Variants in ZNF385B observed in about 807,000 individuals in gnomAD.
The protein encoded by ZNF385B is zinc finger protein 533.
A neutral mutation model predicts 39.2 loss-of-function variants in ZNF385B; 23 were observed. The ratio of observed to expected loss-of-function variants is 0.59; its 90% confidence interval spans 0.42 to 0.83. The LOEUF is 0.83. Among genes scored for constraint, ZNF385B ranks in the 40% least tolerant of loss-of-function variants. The pLI is 0.00. For synonymous variants in ZNF385B, 205 were observed against 222.6 expected (o/e 0.92, Z 0.70); for missense variants, 552 against 598.9 (o/e 0.92, Z 0.82).
chr2:179,792,966 T>A (rs1039216867), intron 1 of ZNF385B, among the ~76,000 whole-genome samples: 3 of 152,212 alleles, frequency 2.0e-5, no homozygotes, highest in African/African-American at 7.2e-5. Context: ...TATCACCCAG[T>A]GTCTTCATTT....
chr2:179,834,075 A>C (rs1188376242), intron 1 of ZNF385B, among the ~76,000 whole-genome samples: 1 of 152,136 alleles, frequency 6.6e-6, no homozygotes, highest in Non-Finnish European at 1.5e-5. Context: ...GAATGAGGGA[A>C]GGAGAAAAAG....
At chr2:179,645,399 A>T (rs1191606086) in intron 3 of ZNF385B, among the ~76,000 whole-genome samples, 4 of 152,228 alleles carry the variant, frequency 2.6e-5, no homozygotes, top group Non-Finnish European at 5.9e-5. Flanking sequence ...AATCTGGAAA[A>T]ACATCCACAC....
chr2:179,855,194 C>T (rs1684491874), intron 1 of ZNF385B, among the ~76,000 whole-genome samples: 1 of 152,080 alleles, frequency 6.6e-6, no homozygotes, highest in Admixed American at 6.5e-5. Flanking sequence ...AACATAATGG[C>T]TATTTCAGAA....
chr2:179,618,160 T>G (rs1689917109), intron 3 of ZNF385B, among the ~76,000 whole-genome samples: 2 of 152,170 alleles, frequency 1.3e-5, no homozygotes, highest in African/African-American at 4.8e-5. Flanking sequence ...TCCCAAGCCT[T>G]ATCAAGGAAG....
At chr2:179,859,051 AT>A (rs1000114177) in intron 1 of ZNF385B, among the ~76,000 whole-genome samples, 19 of 151,740 alleles carry the variant, frequency 1.3e-4, no homozygotes, top group African/African-American at 3.9e-4. Flanking sequence ...GTTTTGAAAG[AT>A]TTTTTTTTCT....
chr2:179,618,906 A>G (rs1044650762), intron 3 of ZNF385B, among the ~76,000 whole-genome samples: 1 of 152,224 alleles, frequency 6.6e-6, no homozygotes, highest in African/African-American at 2.4e-5. Flanking sequence ...TACTATGGTT[A>G]GGAAGGTAGC....
intron 3 of ZNF385B, among the ~76,000 whole-genome samples, chr2:179,613,488 T>C (rs1164016979): frequency 6.6e-6 from 1 of 151,968 alleles, no homozygotes; most frequent in Non-Finnish European, 1.5e-5. Flanking sequence ...TCCTGACAGG[T>C]CTGGGTCCTT....
chr2:179,652,296 T>A (rs1306766882), intron 3 of ZNF385B, among the ~76,000 whole-genome samples: 2 of 152,174 alleles, frequency 1.3e-5, no homozygotes, highest in African/African-American at 4.8e-5. Flanking sequence ...ATACATCCAA[T>A]GATGTCTAAA....
chr2:179,837,274 CT>C (rs1708305898), intron 1 of ZNF385B, among the ~76,000 whole-genome samples: 1 of 152,146 alleles, frequency 6.6e-6, no homozygotes, highest in Non-Finnish European at 1.5e-5. Flanking sequence ...TGATAATGAA[CT>C]ATCAATCATT....
chr2:179,576,646 C>T (rs1685853976), intron 3 of ZNF385B, among the ~76,000 whole-genome samples: 1 of 152,126 alleles, frequency 6.6e-6, no homozygotes, highest in Admixed American at 6.6e-5. Context: ...ATCATATACC[C>T]AGTTCTGGAC....
At chr2:179,837,132 G>C (rs574567808) in intron 1 of ZNF385B, among the ~76,000 whole-genome samples, 1 of 152,262 alleles carries the variant, frequency 6.6e-6, no homozygotes, top group East Asian at 1.9e-4. Context: ...AACTGAGATT[G>C]ACAATAAAAT....
At chr2:179,760,045 T>TA (rs1265647143) in intron 3 of ZNF385B, among the ~76,000 whole-genome samples, 42 of 120,516 alleles carry the variant, frequency 3.5e-4, no homozygotes, top group African/African-American at 8.1e-4. Context: ...CTACCCATAG[T>TA]AAAAATTTTT....
At chr2:179,811,647 AAC>A (rs1706740249) in intron 1 of ZNF385B, among the ~76,000 whole-genome samples, 1 of 152,200 alleles carries the variant, frequency 6.6e-6, no homozygotes, top group Admixed American at 6.5e-5. Context: ...TACAAAAATT[AAC>A]ACAACATGGA....
Position 179,480,359 on chromosome 2 carries a change from C to G in ZNF385B, c.715+2913G>C, listed in dbSNP as rs1304411219. Reference sequence around the variant, plus strand: ...AATTATCACAGTCACCATTCCTCTTCCCACCTTCTTTCTCCTTACATTTTA... The same window carrying G: ...AATTATCACAGTCACCATTCCTCTTGCCACCTTCTTTCTCCTTACATTTTA... On this transcript the variant is annotated intron_variant, in intron 6 of 9. Coordinates refer to ENST00000410066, the MANE Select transcript of ZNF385B (RefSeq NM_152520.6). Among the ~76,000 whole-genome samples the G allele has an allele frequency of 2.6e-5, 4 of 152,274 alleles. No individual in the cohort carries two copies. In the East Asian group the frequency reaches 7.7e-4, roughly 29 times the overall value.
At chr2:179,786,648 C>A (rs1705022933) in intron 1 of ZNF385B, among the ~76,000 whole-genome samples, 1 of 151,802 alleles carries the variant, frequency 6.6e-6, no homozygotes, top group African/African-American at 2.4e-5. Context: ...AAAACCACTT[C>A]ATCTTCCCTG....
chr2:179,576,697 T>C (rs1685861067), intron 3 of ZNF385B, among the ~76,000 whole-genome samples: 2 of 152,196 alleles, frequency 1.3e-5, no homozygotes, highest in African/African-American at 4.8e-5. Context: ...GATTCATAAA[T>C]TCTATATAGT....
chr2:179,633,087 G>T (rs1691395036), intron 3 of ZNF385B, among the ~76,000 whole-genome samples: 1 of 152,114 alleles, frequency 6.6e-6, no homozygotes, highest in South Asian at 2.1e-4. Flanking sequence ...AAAATGTCCA[G>T]GACCAGACAG....
chr2:179,856,144 G>A (rs1467908625), intron 1 of ZNF385B, among the ~76,000 whole-genome samples: 1 of 152,106 alleles, frequency 6.6e-6, no homozygotes, highest in East Asian at 1.9e-4. Flanking sequence ...TGTGAATCCA[G>A]GAGTGAGAAC....
At chr2:179,679,483 ACTGACC>A (rs1697305389) in intron 3 of ZNF385B, among the ~76,000 whole-genome samples, 1 of 152,164 alleles carries the variant, frequency 6.6e-6, no homozygotes, top group African/African-American at 2.4e-5. Flanking sequence ...ACTGTCCTAA[ACTGACC>A]CTGGCTTACA....
Sources: gnomAD v4.1 joint callset for allele counts (sites outside exome capture counted in the v4.1 genomes callset) on GRCh38, gnomAD v4.1.1 for gene constraint, MANE v1.5 for transcripts, NCBI Gene and HGNC (gene_info 2026-07-23, HGNC 2026-07-21) for gene names.